The following FGF19 variants were observed in gnomAD, a reference collection of about 807,000 sequenced individuals.
FGF19 encodes fibroblast growth factor 19.
In FGF19, 5 loss-of-function variants were observed where a neutral mutation model predicts 8.9. The ratio of observed to expected loss-of-function variants is 0.56; its 90% CI spans 0.29 to 1.18. The LOEUF is 1.18. FGF19 is among the 50% of genes most tolerant of loss of function. FGF19 has a pLI of 0.08. For synonymous variants in FGF19, 124 were observed against 128.0 expected (o/e 0.97, Z 0.21); for missense variants, 237 against 293.9 (o/e 0.81, Z 1.42).
At chr11:69,700,744 G>A (rs533459811) in intron 2 of FGF19, among the ~76,000 whole-genome samples, 67 of 147,582 alleles carry the variant, frequency 4.5e-4, no homozygotes, top group Admixed American at 4.4e-3. Context: ...GCTGCCAGGA[G>A]GCAGATCTCA....
At chr11:69,699,960 G>T (rs777049484) in intron 2 of FGF19, among the ~76,000 whole-genome samples, 1 of 151,838 alleles carries the variant, frequency 6.6e-6, no homozygotes, top group Non-Finnish European at 1.5e-5. Flanking sequence ...GGAGGTGGGC[G>T]CCTGTAGGCC....
rs981241027 is a variant in FGF19, at chr11:69,702,495, G to C, written c.336+766C>G. Among the ~76,000 whole-genome samples the C allele has an allele frequency of 1.3e-5, 2 of 152,114 alleles. No individual in the cohort carries two copies. Among genetic ancestry groups the C allele is most frequent in the Non-Finnish European group, 2.9e-5 (2 of 68,018 alleles). On this transcript the variant is annotated intron_variant, in intron 2 of 2. Transcript: ENST00000294312. This position sits in a 1 kb window ranked among gnomAD's most constrained non-coding sequence, Gnocchi z 4.6. Reference sequence around the variant, plus strand: ...CTGCGCGCGGGGCCGCGGGAGGGGCGCGGGTTCGTTCCTTTGAACTCCCAG... The same window carrying C: ...CTGCGCGCGGGGCCGCGGGAGGGGCCCGGGTTCGTTCCTTTGAACTCCCAG...
Position 69,703,672 on chromosome 11 carries a change from C to G in FGF19, c.205G>C (p.Asp69His). ...FLRIRADGVV[D>H]CARGQSAHSL... ...TGCGCGCTCTGGCCCCGCGCGCAGT[C>G]CACGACGCCGTCGGCACGGATGCGC... The change falls in exon 1 of 3, where the codon GAC (aspartate) becomes CAC (histidine). Residue 69 changes from aspartate to histidine, a missense_variant. Coordinates refer to ENST00000294312, the MANE Select transcript of FGF19 (RefSeq NM_005117.3). This position sits in a 1 kb window ranked among gnomAD's most constrained non-coding sequence, Gnocchi z 6.8. 8.1e-7 allele frequency: 1 copy of G among 1,232,446 alleles called. No individual in the cohort carries two copies. Among genetic ancestry groups the G allele is most frequent in the Non-Finnish European group, 1.0e-6 (1 of 988,598 alleles). 76.3% of individuals were successfully genotyped at this position (1,232,446 alleles called of 1,614,324 possible).
At position 69,702,651 on chromosome 11, in the gene FGF19, G is replaced by A. The variant is rs1854787943; in HGVS notation, c.336+610C>T. ...AGAAAGCGTTTACAGGACAGGTGAG[G>A]CCCGCAGGAGGAAAAGCACTCCCCT... On this transcript the variant is annotated intron_variant, in intron 2 of 2. Coordinates refer to ENST00000294312, the MANE Select transcript of FGF19 (RefSeq NM_005117.3). This position sits in a 1 kb window ranked among gnomAD's most constrained non-coding sequence, Gnocchi z 4.6. Among the ~76,000 whole-genome samples, 1 of 152,088 alleles carries A rather than the reference G, an allele frequency of 6.6e-6. No individual in the cohort carries two copies. The highest frequency in any genetic ancestry group is 2.4e-5 in the African/African-American group (1 of 41,400).
intron 2 of FGF19, among the ~76,000 whole-genome samples, chr11:69,701,321 G>T (rs1220828175): frequency 6.6e-6 from 1 of 152,170 alleles, no homozygotes; most frequent in South Asian, 2.1e-4. Context: ...TAAGAAAGAG[G>T]CCAGGCGAGG....
chr11:69,703,197 G>A lies in FGF19; in HGVS notation c.336+64C>T. 1.7e-6 allele frequency: 2 copies of A among 1,170,190 alleles called. No homozygotes were observed. The highest frequency in any genetic ancestry group is 2.5e-6 in the Non-Finnish European group (2 of 816,184). 72.5% of individuals were successfully genotyped at this position (1,170,190 alleles called of 1,614,324 possible). A position where few individuals can be genotyped will look rare whatever the true frequency, so the allele number is the denominator to read the frequency against. ...GAACCAGCGCCTTTCTCTCCTTCAGGCCTCCGCCCGGGGACAGGCGCCGGT... is the reference window on the plus strand; with the variant it reads ...GAACCAGCGCCTTTCTCTCCTTCAGACCTCCGCCCGGGGACAGGCGCCGGT... On this transcript the variant is annotated intron_variant, in intron 2 of 2. Transcript: ENST00000294312. This position sits in a 1 kb window ranked among gnomAD's most constrained non-coding sequence, Gnocchi z 6.8.
intron 2 of FGF19, among the ~76,000 whole-genome samples, chr11:69,700,953 C>G (rs1401895829): frequency 6.6e-6 from 1 of 152,252 alleles, no homozygotes; most frequent in African/African-American, 2.4e-5. Flanking sequence ...AAGGGCTGGG[C>G]AGTAAACACA....
At chr11:69,700,992 C>T (rs1449591015) in intron 2 of FGF19, among the ~76,000 whole-genome samples, 2 of 152,204 alleles carry the variant, frequency 1.3e-5, no homozygotes, top group Non-Finnish European at 2.9e-5. Context: ...CAGGTTCCTG[C>T]CTAAGTCTGC....
chr11:69,701,883 G>A (rs149876196), intron 2 of FGF19, among the ~76,000 whole-genome samples: 1 of 145,558 alleles, frequency 6.9e-6, no homozygotes, highest in Non-Finnish European at 1.5e-5. Flanking sequence ...TAGCAGAAAC[G>A]CTTGAACCTG....
rs1011183676 is a variant in FGF19, at chr11:69,698,392, G to T, written c.*870C>A. The T allele has an allele frequency of 1.1e-5, 2 of 187,002 alleles. No individual in the cohort carries two copies. Among genetic ancestry groups the T allele is most frequent in the African/African-American group, 2.3e-5 (1 of 42,752 alleles). 11.6% of individuals were successfully genotyped at this position (187,002 alleles called of 1,614,324 possible). On this transcript the variant is annotated 3_prime_UTR_variant, in exon 3 of 3. Transcript: ENST00000294312. ...TGGAAAACCAAGTGCTGGGGAAAGG[G>T]TTCTAGGTCTTCCCCCGCTGCTTCC...
At position 69,703,505 on chromosome 11, in the gene FGF19, C is replaced by T. The variant is rs1854800832; in HGVS notation, c.232+140G>A. ...ACGGAGGGATCCTAACGTCCAGGTG[C>T]CAAAACCTGGGGTTCCCAGGAGTTG... On this transcript the variant is annotated intron_variant, in intron 1 of 2. Transcript: ENST00000294312. This position sits in a 1 kb window ranked among gnomAD's most constrained non-coding sequence, Gnocchi z 6.8. The T allele has an allele frequency of 3.7e-6, 3 of 801,528 alleles. No homozygotes were observed. Among genetic ancestry groups the T allele is most frequent in the Non-Finnish European group, 5.5e-6 (3 of 543,440 alleles). 49.7% of individuals were successfully genotyped at this position (801,528 alleles called of 1,614,324 possible). A position where few individuals can be genotyped will look rare whatever the true frequency, so the allele number is the denominator to read the frequency against.
At chr11:69,700,002 T>A (rs1329426294) in intron 2 of FGF19, among the ~76,000 whole-genome samples, 1 of 151,594 alleles carries the variant, frequency 6.6e-6, no homozygotes, top group East Asian at 1.9e-4. Context: ...GGTGGGAGGA[T>A]GGGTTGAGGC....
chr11:69,698,687 CCCTACT>C lies in FGF19; in HGVS notation c.*569_*574del, dbSNP rs1854733360. On this transcript the variant is annotated 3_prime_UTR_variant, in exon 3 of 3. Transcript: ENST00000294312. ...GGGCTGGAGTGGGGCTCCAGGCTTC[CCCTACT>C]CCTGAAGCCTGGTGGGCCATGCCTG... 5.1e-6 allele frequency: 1 copy of C among 197,560 alleles called. No individual in the cohort carries two copies. Among genetic ancestry groups the C allele is most frequent in the African/African-American group, 2.3e-5 (1 of 43,336 alleles). 12.2% of individuals were successfully genotyped at this position (197,560 alleles called of 1,614,324 possible).
chr11:69,700,624 A>G (rs889719587), intron 2 of FGF19, among the ~76,000 whole-genome samples: 19 of 152,352 alleles, frequency 1.2e-4, no homozygotes, highest in African/African-American at 4.6e-4. Flanking sequence ...CACCTATCTC[A>G]GAAATCACTG....
In FGF19 at chr11:69,702,657, A is replaced by G. The variant is rs760237806; in HGVS notation, c.336+604T>C. On this transcript the variant is annotated intron_variant, in intron 2 of 2. Transcript: ENST00000294312. The surrounding 1 kb of genome is among the most constrained non-coding windows in gnomAD (Gnocchi z 4.6). ...CGTTTACAGGACAGGTGAGGCCCGC[A>G]GGAGGAAAAGCACTCCCCTGGCGCA... is the stretch of plus-strand genomic sequence containing the variant. 6.7e-6 allele frequency among the ~76,000 whole-genome samples: 1 copy of G among 150,304 alleles called. No homozygotes were observed. Among genetic ancestry groups the G allele is most frequent in the Non-Finnish European group, 1.5e-5 (1 of 67,640 alleles).
Position 69,702,026 on chromosome 11 carries a change from A to AATTTGGGCAG in FGF19, c.336+1225_336+1234dup, listed in dbSNP as rs1854777797. ...AGGGATTTCAGGTGACCCAACCCCC[A>AATTTGGGCAG]ATTTGGGCAGAATGGCGGGTTAGGT... On this transcript the variant is annotated intron_variant, in intron 2 of 2. Coordinates refer to ENST00000294312, the MANE Select transcript of FGF19 (RefSeq NM_005117.3). This position sits in a 1 kb window ranked among gnomAD's most constrained non-coding sequence, Gnocchi z 4.6. Among the ~76,000 whole-genome samples, 1 of 147,870 alleles carries AATTTGGGCAG rather than the reference A, an allele frequency of 6.8e-6. No homozygotes were observed. Among genetic ancestry groups the AATTTGGGCAG allele is most frequent in the Non-Finnish European group, 1.5e-5 (1 of 67,286 alleles).
In FGF19 at chr11:69,702,042, C is replaced by T. The variant is rs1394266388; in HGVS notation, c.336+1219G>A. On this transcript the variant is annotated intron_variant, in intron 2 of 2. Coordinates refer to ENST00000294312, the MANE Select transcript of FGF19 (RefSeq NM_005117.3). The surrounding 1 kb of genome is among the most constrained non-coding windows in gnomAD (Gnocchi z 4.6). Reference sequence around the variant, plus strand: ...CCAACCCCCAATTTGGGCAGAATGGCGGGTTAGGTTGACGTCCCCTGCTGG... The same window carrying T: ...CCAACCCCCAATTTGGGCAGAATGGTGGGTTAGGTTGACGTCCCCTGCTGG... Among the ~76,000 whole-genome samples, 4 of 146,418 alleles carry T rather than the reference C, an allele frequency of 2.7e-5. No individual in the cohort carries two copies. The highest frequency in any genetic ancestry group is 2.7e-4 in the Admixed American group (4 of 14,744).
intron 2 of FGF19, among the ~76,000 whole-genome samples, chr11:69,701,030 C>T (rs1267772885): frequency 2.0e-5 from 3 of 152,190 alleles, no homozygotes; most frequent in Admixed American, 6.5e-5. Flanking sequence ...AGGTGGGTGA[C>T]GAGGTACCTG....
At position 69,699,504 on chromosome 11, in the gene FGF19, C is replaced by A; in HGVS notation, c.409G>T (p.Glu137Ter). Residue 137 changes from glutamate to a stop codon, truncating the protein, a stop_gained, in exon 3 of 3, where the codon GAG becomes TAG. Coordinates refer to ENST00000294312, the MANE Select transcript of FGF19 (RefSeq NM_005117.3). LOFTEE classifies it low-confidence loss of function (END_TRUNC). ...RPDGYNVYRS[E>*]KHRLPVSLSS... ...AGGGAGACCGGGAGGCGGTGCTTCT[C>A]GGATCGGTACACATTGTAGCCATCT... 6.2e-7 allele frequency: 1 copy of A among 1,614,140 alleles called. No homozygotes were observed. The highest frequency in any genetic ancestry group is 8.5e-7 in the Non-Finnish European group (1 of 1,180,020).
Sources: allele counts gnomAD v4.1 joint callset (sites outside exome capture counted in the v4.1 genomes callset), GRCh38; gene constraint gnomAD v4.1.1; non-coding constraint Gnocchi (gnomAD v3.1); transcripts MANE v1.5; gene names NCBI Gene and HGNC (gene_info 2026-07-23, HGNC 2026-07-21).